Variants in CCDC30 observed in about 807,000 individuals in gnomAD.
CCDC30 encodes the protein coiled-coil domain containing 30.
CCDC30 carries 70 observed loss-of-function variants against 100.2 expected under a neutral mutation model. The ratio of observed to expected loss-of-function variants is 0.70; its 90% CI spans 0.58 to 0.85. CCDC30 has a LOEUF of 0.85. Among genes scored for constraint, CCDC30 ranks in the 40% least tolerant of loss-of-function variants. The probability of loss-of-function intolerance (pLI) is 0.00; values close to 1 mark genes in which losing one functional copy is unlikely to be tolerated. For missense variants in CCDC30, 652 were observed against 771.2 expected (o/e 0.85, Z 1.83); for synonymous variants, 233 against 269.5 (o/e 0.86, Z 1.33).
At chr1:42,457,113 G>A in the CCDC30 span, 1 of 1,575,560 alleles carries the variant, frequency 6.3e-7, no homozygotes, top group South Asian at 1.2e-5. Flanking sequence ...TGGAAGCACA[G>A]CCTTTCTTTC....
rs959905142 is a variant in CCDC30 at position 42,644,533 on chromosome 1, C to G, written c.1557-160C>G. Among the ~76,000 whole-genome samples, 6 of 152,286 alleles carry G rather than the reference C, an allele frequency of 3.9e-5. No individual in the cohort carries two copies. The South Asian group carries it at 1.2e-3, about 32-fold the overall frequency. Reference sequence around the variant, plus strand: ...TTGACACTCAGTATTAAACAACACACTTGTTCTTGGAATATGGTGGGAATT... The same window carrying G: ...TTGACACTCAGTATTAAACAACACAGTTGTTCTTGGAATATGGTGGGAATT... On this transcript the variant is annotated intron_variant, in intron 13 of 16. Coordinates refer to ENST00000668663, the Ensembl canonical transcript of CCDC30.
intron 12 of CCDC30, among the ~76,000 whole-genome samples, chr1:42,639,387 C>T (rs1647239281): frequency 1.3e-5 from 2 of 152,102 alleles, no homozygotes; most frequent in African/African-American, 4.8e-5. Flanking sequence ...CTCCTGGAGC[C>T]CCCATGAGTA....
At chr1:42,621,554 T>C (rs1646832495) in intron 11 of CCDC30, among the ~76,000 whole-genome samples, 1 of 151,228 alleles carries the variant, frequency 6.6e-6, no homozygotes, top group South Asian at 2.1e-4. Flanking sequence ...CTCTGTGGTC[T>C]AGGCTGGAGT....
At chr1:42,527,731 C>T (rs1644742603) in intron 6 of CCDC30, among the ~76,000 whole-genome samples, 1 of 152,146 alleles carries the variant, frequency 6.6e-6, no homozygotes, top group South Asian at 2.1e-4. Flanking sequence ...TTCCTTCCCA[C>T]ATTCTAGGAA....
At chr1:42,475,829 T>A (rs559592230) in intron 1 of CCDC30, among the ~76,000 whole-genome samples, 132 of 152,208 alleles carry the variant, frequency 8.7e-4, no homozygotes, top group Admixed American at 1.5e-3. Context: ...TCTCTCACAG[T>A]ACCTGGCTTG....
At chr1:42,478,439 T>C (rs1643907774) in intron 1 of CCDC30, among the ~76,000 whole-genome samples, 1 of 152,154 alleles carries the variant, frequency 6.6e-6, no homozygotes, top group Non-Finnish European at 1.5e-5. Flanking sequence ...GATCATAGTT[T>C]TCCAATAATG....
chr1:42,465,797 A>G (rs1156794534), intron 1 of CCDC30, among the ~76,000 whole-genome samples: 1 of 152,208 alleles, frequency 6.6e-6, no homozygotes, highest in African/African-American at 2.4e-5. Flanking sequence ...GAGATCAGGG[A>G]TGCTGCTCCA....
intron 6 of CCDC30, 145 bp downstream of exon 8, chr1:42,539,455 A>C (rs1306752563): frequency 1.7e-6 from 1 of 593,456 alleles, no homozygotes; most frequent in Non-Finnish European, 2.7e-6. Flanking sequence ...ATATACTGCC[A>C]TATACTGTGG....
chr1:42,550,221 A>G (rs542757899), intron 6 of CCDC30, among the ~76,000 whole-genome samples: 1 of 152,132 alleles, frequency 6.6e-6, no homozygotes, highest in Non-Finnish European at 1.5e-5. Flanking sequence ...ACTTCTATCT[A>G]TATTTCCACT....
At chr1:42,607,316 AG>A (rs1467737742) in intron 10 of CCDC30, among the ~76,000 whole-genome samples, 1 of 152,186 alleles carries the variant, frequency 6.6e-6, no homozygotes, top group African/African-American at 2.4e-5. Flanking sequence ...AGCTTTAAAA[AG>A]GGTGGTTTGT....
chr1:42,456,124 G>C, the CCDC30 span: 1 of 732,010 alleles, frequency 1.4e-6, no homozygotes, highest in African/African-American at 1.7e-5. Flanking sequence ...GGCGGGACGT[G>C]ACTCGACTAA....
intron 3 of CCDC30, among the ~76,000 whole-genome samples, chr1:42,489,529 A>C (rs1644103585): frequency 6.6e-6 from 1 of 152,210 alleles, no homozygotes; most frequent in South Asian, 2.1e-4. Flanking sequence ...TATAAAATTC[A>C]TGTTAGTCTC....
intron 11 of CCDC30, among the ~76,000 whole-genome samples, chr1:42,623,554 A>T (rs1276362132): frequency 6.6e-6 from 1 of 151,808 alleles, no homozygotes; most frequent in Non-Finnish European, 1.5e-5. Context: ...AGGTGTGTGG[A>T]TTTGTTTCTG....
chr1:42,461,550 CTTTTTT>C (rs34955190), upstream of CCDC30, among the ~76,000 whole-genome samples: 1 of 140,590 alleles, frequency 7.1e-6, no homozygotes, highest in Non-Finnish European at 1.6e-5. Context: ...TACCCAGGCT[CTTTTTT>C]TTTTTTTTTG....
At chr1:42,608,085 T>A (rs1361364203) in intron 10 of CCDC30, among the ~76,000 whole-genome samples, 6 of 151,864 alleles carry the variant, frequency 4.0e-5, no homozygotes, top group African/African-American at 1.5e-4. Flanking sequence ...AAACACCATG[T>A]CTGTAATTCA....
At chr1:42,564,500 G>A (rs1016083950) in intron 6 of CCDC30, among the ~76,000 whole-genome samples, 18 of 83,862 alleles carry the variant, frequency 2.1e-4, no homozygotes, top group African/African-American at 8.7e-4. Context: ...ATGTTGACCA[G>A]GCTGGTCTTG....
intron 7 of CCDC30, chr1:42,571,326 T>C (rs1645728062): frequency 6.6e-6 from 1 of 152,238 alleles, no homozygotes; most frequent in South Asian, 2.1e-4. Context: ...ATTCATTGTC[T>C]GTGTCTTACT....
chr1:42,508,357 G>A (rs1286744190), intron 6 of CCDC30, among the ~76,000 whole-genome samples: 1 of 152,154 alleles, frequency 6.6e-6, no homozygotes, highest in Non-Finnish European at 1.5e-5. Flanking sequence ...CACTCCCCAT[G>A]GGAGCCTTAT....
upstream of CCDC30, chr1:42,460,247 T>C (rs1643374703): frequency 9.6e-7 from 1 of 1,037,082 alleles, no homozygotes; most frequent in Admixed American, 5.0e-5. Flanking sequence ...GATGCATGAA[T>C]GGTCATGCTT....
Sources: allele counts gnomAD v4.1 joint callset (sites outside exome capture counted in the v4.1 genomes callset), GRCh38; gene constraint gnomAD v4.1.1; transcripts MANE v1.5; gene names NCBI Gene and HGNC (gene_info 2026-07-23, HGNC 2026-07-21).